The following NALF1 variants were observed in gnomAD, a reference collection of about 807,000 sequenced individuals.
NALF1 encodes the protein NALCN channel auxiliary factor 1, also known as family with sequence similarity 155 member A.
Under a neutral mutation model 48.4 loss-of-function variants are expected in NALF1, and 3 were observed. That is an observed-to-expected ratio of 0.06 (90% CI 0.03 to 0.16). NALF1 has a LOEUF of 0.16. NALF1 is among the 10% of genes least tolerant of loss of function. The pLI is 1.00. For missense variants in NALF1, 526 were observed against 571.5 expected (o/e 0.92, Z 0.81); for synonymous variants, 262 against 245.7 (o/e 1.07, Z -0.62).
rs1555325891 is a variant in NALF1 at position 107,194,056 on chromosome 13, C to CTATCTATA, written c.1087+16527_1087+16528insTATAGATA. 1.2e-3 allele frequency among the ~76,000 whole-genome samples: 104 copies of CTATCTATA among 83,452 alleles called. 1 individual carries two copies. The highest frequency in any genetic ancestry group is 5.8e-3 in the Middle Eastern group (1 of 172). The allele number at this position is 83,452 out of a possible 152,430, so 54.7% of individuals were successfully genotyped here. A position where few individuals can be genotyped will look rare whatever the true frequency, so the allele number is the denominator to read the frequency against. On this transcript the variant is annotated intron_variant, in intron 2 of 2. Coordinates refer to ENST00000375915, the MANE Select transcript of NALF1 (RefSeq NM_001080396.3). ...TCTATCTATCTATCTATCTATCTAT[C>CTATCTATA]TATATATCAATCTATCGTTTTAATG...
chr13:107,391,520 A>G (rs1883626603), intron 1 of NALF1, among the ~76,000 whole-genome samples: 2 of 152,102 alleles, frequency 1.3e-5, no homozygotes. Flanking sequence ...CTTTCTTTCC[A>G]GATCCAGAAG....
At chr13:107,620,261 G>A (rs1879485193) in intron 1 of NALF1, among the ~76,000 whole-genome samples, 2 of 152,104 alleles carry the variant, frequency 1.3e-5, no homozygotes, top group African/African-American at 4.8e-5. Context: ...GTAATGATTT[G>A]GACAAAGGGG....
intron 1 of NALF1, among the ~76,000 whole-genome samples, chr13:107,477,400 A>C (rs1355569918): frequency 2.0e-5 from 3 of 152,154 alleles, no homozygotes; most frequent in African/African-American, 7.2e-5. Context: ...CTAGGAGTCC[A>C]CTAATCCTAA....
At chr13:107,813,785 A>T (rs1394736042) in intron 1 of NALF1, among the ~76,000 whole-genome samples, 1 of 152,184 alleles carries the variant, frequency 6.6e-6, no homozygotes, top group East Asian at 1.9e-4. Flanking sequence ...CATATACATG[A>T]ATAAGATAGA....
At chr13:107,534,224 T>C (rs1876732185) in intron 1 of NALF1, among the ~76,000 whole-genome samples, 1 of 152,122 alleles carries the variant, frequency 6.6e-6, no homozygotes, top group Non-Finnish European at 1.5e-5. Context: ...CAGATGACTC[T>C]GGAAAGTATG....
rs1877082264 is a variant in NALF1 at position 107,756,003 on chromosome 13, C to A, written c.915+109679G>T. 2.0e-5 allele frequency among the ~76,000 whole-genome samples: 3 copies of A among 152,228 alleles called. No individual in the cohort carries two copies. In the South Asian group the frequency reaches 6.2e-4, roughly 32 times the overall value. Reference sequence around the variant, plus strand: ...GAACCAACTTCAACTGATATCAGAGCTTGGTATATTCACAGTATCTAATGA... The same window carrying A: ...GAACCAACTTCAACTGATATCAGAGATTGGTATATTCACAGTATCTAATGA... On this transcript the variant is annotated intron_variant, in intron 1 of 2. Coordinates refer to ENST00000375915, the MANE Select transcript of NALF1 (RefSeq NM_001080396.3).
chr13:107,746,459 CA>C (rs1271533419), intron 1 of NALF1, among the ~76,000 whole-genome samples: 3 of 152,086 alleles, frequency 2.0e-5, no homozygotes, highest in Admixed American at 6.5e-5. Flanking sequence ...GAAAACATTC[CA>C]TTGCCAAACG....
chr13:107,360,233 A>G (rs1169030659), intron 1 of NALF1, among the ~76,000 whole-genome samples: 1 of 152,206 alleles, frequency 6.6e-6, no homozygotes, highest in Non-Finnish European at 1.5e-5. Flanking sequence ...TAGAGTTGCT[A>G]GTCATTTCTG....
intron 1 of NALF1, among the ~76,000 whole-genome samples, chr13:107,731,779 A>G (rs1046966699): frequency 2.0e-5 from 3 of 152,194 alleles, no homozygotes; most frequent in Admixed American, 2.0e-4. Context: ...TATATGCACC[A>G]CATTTTCTTT....
At chr13:107,606,365 TTA>T (rs780660921) in intron 1 of NALF1, among the ~76,000 whole-genome samples, 147 of 150,308 alleles carry the variant, frequency 9.8e-4, no homozygotes, top group African/African-American at 3.3e-3. Context: ...TCTTATTTAT[TTA>T]TATATATATA....
At chr13:107,183,774 A>G (rs1346160335) in intron 2 of NALF1, among the ~76,000 whole-genome samples, 1 of 152,114 alleles carries the variant, frequency 6.6e-6, no homozygotes, top group East Asian at 1.9e-4. Flanking sequence ...GTTCTCACTC[A>G]TAAGTGGAAG....
intron 2 of NALF1, among the ~76,000 whole-genome samples, chr13:107,186,575 C>T (rs988685112): frequency 6.6e-6 from 1 of 152,042 alleles, no homozygotes; most frequent in African/African-American, 2.4e-5. Context: ...ACCATGTTGG[C>T]GAGGATGGTC....
chr13:107,540,049 T>TACACACACACACACACACACACAC (rs143201791), intron 1 of NALF1, among the ~76,000 whole-genome samples: 3 of 149,514 alleles, frequency 2.0e-5, no homozygotes, highest in African/African-American at 2.5e-5. Flanking sequence ...GCTTCTGATG[T>TACACACACACACACACACACACAC]ACACACACAC....
At chr13:107,865,418 C>T (rs558084097) in intron 1 of NALF1, among the ~76,000 whole-genome samples, 13 of 152,234 alleles carry the variant, frequency 8.5e-5, no homozygotes, top group Admixed American at 7.8e-4. Flanking sequence ...ATGTAAGAAA[C>T]AGTTAAAGTG....
intron 1 of NALF1, among the ~76,000 whole-genome samples, chr13:107,693,334 G>GGGGGGGGA (rs535333019): frequency 2.2e-4 from 27 of 124,162 alleles, no homozygotes; most frequent in East Asian, 3.2e-4. Context: ...AGGGTAGGGG[G>GGGGGGGGA]GGCGGGAGGG....
chr13:107,294,882 T>G (rs1881695245), intron 1 of NALF1, among the ~76,000 whole-genome samples: 1 of 152,222 alleles, frequency 6.6e-6, no homozygotes, highest in Admixed American at 6.5e-5. Flanking sequence ...CCATGTACAA[T>G]GTTCAATAAC....
intron 2 of NALF1, among the ~76,000 whole-genome samples, chr13:107,177,011 A>G (rs893442684): frequency 1.4e-4 from 22 of 152,140 alleles, no homozygotes; most frequent in African/African-American, 5.3e-4. Flanking sequence ...GAACTAATAA[A>G]CAAATTCAGT....
intron 1 of NALF1, among the ~76,000 whole-genome samples, chr13:107,390,787 T>A (rs1257195429): frequency 6.6e-6 from 1 of 152,022 alleles, no homozygotes; most frequent in Non-Finnish European, 1.5e-5. Flanking sequence ...AGCCAGAAGT[T>A]GCAGGAAGCT....
At chr13:107,525,115 T>A (rs1360073085) in intron 1 of NALF1, among the ~76,000 whole-genome samples, 1 of 152,146 alleles carries the variant, frequency 6.6e-6, no homozygotes, top group Non-Finnish European at 1.5e-5. Context: ...CCCTATTTTT[T>A]ATTGCATTTT....
Sources: gnomAD v4.1 joint callset for allele counts (sites outside exome capture counted in the v4.1 genomes callset) on GRCh38, gnomAD v4.1.1 for gene constraint, MANE v1.5 for transcripts, NCBI Gene and HGNC (gene_info 2026-07-23, HGNC 2026-07-21) for gene names.